Variants in SPECC1 observed in about 807,000 individuals in gnomAD.
The protein encoded by SPECC1 is cytospin-B.
A neutral mutation model predicts 104.1 loss-of-function variants in SPECC1; 62 were observed. The observed-to-expected ratio is 0.60, with a 90% CI of 0.49 to 0.74. The LOEUF (loss-of-function observed/expected upper bound fraction) is 0.74, where lower values mean the gene tolerates loss of function less well. Among genes scored for constraint, SPECC1 ranks in the 30% least tolerant of loss-of-function variants. SPECC1 has a pLI of 0.00. For missense variants in SPECC1, 1,306 were observed against 1,310.5 expected (o/e 1.00, Z 0.05); for synonymous variants, 513 against 501.6 (o/e 1.02, Z -0.30).
rs79106774 is a variant in SPECC1, at chr17:20,271,773, T to C, written c.2940+11479T>C. On this transcript the variant is annotated intron_variant, in intron 12 of 14. Coordinates refer to ENST00000395527, the MANE Select transcript of SPECC1 (RefSeq NM_001243439.2). ...CTTTTTTTTCCCCTTTGTTTTTTTTTCCCTTTGTTTTTTTTTCCCTTCAGT... is the reference window on the plus strand; with the variant it reads ...CTTTTTTTTCCCCTTTGTTTTTTTTCCCCTTTGTTTTTTTTTCCCTTCAGT... Among the ~76,000 whole-genome samples the C allele has an allele frequency of 3.1e-3, 467 of 151,862 alleles. 19 individuals carry two copies. In the East Asian group the frequency reaches 0.086, roughly 28 times the overall value.
At chr17:20,219,692 T>C (rs2037736403) in intron 4 of SPECC1, among the ~76,000 whole-genome samples, 5 of 152,212 alleles carry the variant, frequency 3.3e-5, no homozygotes. Context: ...TGTGATCTCA[T>C]AGGTTCATTT....
At chr17:20,113,667 C>T (rs1230311499) in intron 3 of SPECC1, among the ~76,000 whole-genome samples, 1 of 152,154 alleles carries the variant, frequency 6.6e-6, no homozygotes, top group African/African-American at 2.4e-5. Flanking sequence ...ACTGTCATTC[C>T]AAAGGTACAG....
intron 1 of SPECC1, among the ~76,000 whole-genome samples, chr17:20,081,387 T>C (rs2152491156): frequency 6.6e-6 from 1 of 152,224 alleles, no homozygotes; most frequent in South Asian, 2.1e-4. Flanking sequence ...CGACTCGTTT[T>C]GGGCCTGGTT....
intron 12 of SPECC1, among the ~76,000 whole-genome samples, chr17:20,276,013 C>T (rs1397349375): frequency 1.3e-5 from 2 of 151,148 alleles, no homozygotes; most frequent in Non-Finnish European, 2.9e-5. Context: ...TAGAAGCTTA[C>T]ATTTTATATA....
chr17:20,184,914 G>T (rs751493005), intron 3 of SPECC1, among the ~76,000 whole-genome samples: 1 of 152,208 alleles, frequency 6.6e-6, no homozygotes, highest in African/African-American at 2.4e-5. Flanking sequence ...CCTTTGCCTC[G>T]TTTTCAGTGG....
intron 1 of SPECC1, among the ~76,000 whole-genome samples, chr17:20,039,817 G>A (rs1294399813): frequency 3.9e-5 from 6 of 151,942 alleles, no homozygotes; most frequent in Non-Finnish European, 5.9e-5. Flanking sequence ...TTGGCCTCCC[G>A]AAGTGCTGGG....
At chr17:20,156,148 A>T in intron 3 of SPECC1, 1 of 1,428,708 alleles carries the variant, frequency 7.0e-7, no homozygotes. Flanking sequence ...GGCACGGTGG[A>T]CACCCGGTCC....
intron 3 of SPECC1, among the ~76,000 whole-genome samples, chr17:20,147,117 CTT>C (rs1388292452): frequency 2.3e-4 from 32 of 137,862 alleles, no homozygotes; most frequent in Admixed American, 6.9e-4. Flanking sequence ...GAGTTTCGCT[CTT>C]GTTTCCCAGG....
chr17:20,202,258 C>G (rs1446565284), intron 3 of SPECC1, among the ~76,000 whole-genome samples: 1 of 152,128 alleles, frequency 6.6e-6, no homozygotes, highest in East Asian at 1.9e-4. Flanking sequence ...TTGGAAGGTA[C>G]TGTGATGCTA....
chr17:20,185,380 T>C (rs1344496423), intron 3 of SPECC1, among the ~76,000 whole-genome samples: 1 of 152,216 alleles, frequency 6.6e-6, no homozygotes, highest in Non-Finnish European at 1.5e-5. Context: ...CGGGGGCACT[T>C]GTGCTTGGAG....
intron 3 of SPECC1, among the ~76,000 whole-genome samples, chr17:20,201,672 C>T (rs1172859774): frequency 6.6e-6 from 1 of 152,132 alleles, no homozygotes; most frequent in Admixed American, 6.5e-5. Flanking sequence ...AGAGAACTAG[C>T]ATTACTAAAA....
At chr17:20,200,157 T>G (rs1161917692) in intron 3 of SPECC1, among the ~76,000 whole-genome samples, 2 of 152,226 alleles carry the variant, frequency 1.3e-5, no homozygotes, top group East Asian at 3.8e-4. Flanking sequence ...TAACTCCTGT[T>G]TTCTAATTTA....
chr17:20,071,392 G>C (rs2046548350), intron 1 of SPECC1, among the ~76,000 whole-genome samples: 1 of 152,082 alleles, frequency 6.6e-6, no homozygotes, highest in African/African-American at 2.4e-5. Context: ...GTTTGTGTGT[G>C]TGTGTGTGTG....
At chr17:20,290,722 G>T (rs965294021) in intron 12 of SPECC1, among the ~76,000 whole-genome samples, 6 of 152,016 alleles carry the variant, frequency 3.9e-5, no homozygotes, top group African/African-American at 9.7e-5. Flanking sequence ...TCACCATGTT[G>T]CCCAGGCTGG....
At chr17:20,184,074 G>A (rs189969802) in intron 3 of SPECC1, among the ~76,000 whole-genome samples, 8 of 151,364 alleles carry the variant, frequency 5.3e-5, no homozygotes, top group Middle Eastern at 6.8e-3. Flanking sequence ...CCAGCTACTC[G>A]GGAGGCTGAG....
At chr17:20,273,936 G>A (rs2040492275) in intron 12 of SPECC1, among the ~76,000 whole-genome samples, 1 of 152,148 alleles carries the variant, frequency 6.6e-6, no homozygotes, top group Non-Finnish European at 1.5e-5. Flanking sequence ...GGGGCTTCAC[G>A]AGGGGGTGAG....
intron 1 of SPECC1, among the ~76,000 whole-genome samples, chr17:20,027,924 G>A (rs1437582755): frequency 6.6e-6 from 1 of 152,028 alleles, no homozygotes; most frequent in African/African-American, 2.4e-5. Flanking sequence ...ATTTTGGTAG[G>A]TACAATTTAC....
At chr17:20,087,484 CA>C (rs1210839078) in intron 1 of SPECC1, among the ~76,000 whole-genome samples, 3 of 152,100 alleles carry the variant, frequency 2.0e-5, no homozygotes, top group African/African-American at 7.2e-5. Context: ...GAAGGATTGT[CA>C]TTGCCTTCCA....
chr17:20,196,927 A>T (rs1229253848), intron 3 of SPECC1, among the ~76,000 whole-genome samples: 1 of 152,278 alleles, frequency 6.6e-6, no homozygotes, highest in Non-Finnish European at 1.5e-5. Context: ...TACTAAGATT[A>T]CATGAACTAA....
Sources: allele counts gnomAD v4.1 joint callset (sites outside exome capture counted in the v4.1 genomes callset), GRCh38; gene constraint gnomAD v4.1.1; transcripts MANE v1.5; gene names NCBI Gene and HGNC (gene_info 2026-07-23, HGNC 2026-07-21).